Variants in NAPG observed in about 807,000 individuals in gnomAD.
NAPG encodes gamma-soluble NSF attachment protein.
A neutral mutation model predicts 48.4 loss-of-function variants in NAPG; 25 were observed. The ratio of observed to expected loss-of-function variants is 0.52; its 90% CI spans 0.38 to 0.72. The LOEUF (loss-of-function observed/expected upper bound fraction) is 0.72, where lower values mean the gene tolerates loss of function less well. NAPG is among the 30% of genes least tolerant of loss of function. The pLI is 0.00. For missense variants in NAPG, 359 were observed against 372.5 expected, an observed-to-expected ratio of 0.96 and a Z score of 0.30; for synonymous variants, 139 against 127.2, an observed-to-expected ratio of 1.09 and a Z score of -0.62.
At chr18:10,533,626 A>T in intron 4 of NAPG, 73 bp downstream of exon 4, 1 of 1,273,622 alleles carries the variant, frequency 7.9e-7, no homozygotes. Context: ...TAGGTTGGTA[A>T]TTTTTTCCCA....
In NAPG at chr18:10,543,428, A is replaced by T. The variant is rs1468871689; in HGVS notation, c.507-2898A>T. Reference sequence around the variant, plus strand: ...TCTGTCTTGCATAACTGTTCTGTCCATGGTGCCATCAATAACTGAGATAAG... The same window carrying T: ...TCTGTCTTGCATAACTGTTCTGTCCTTGGTGCCATCAATAACTGAGATAAG... On this transcript the variant is annotated intron_variant, in intron 8 of 11. Coordinates refer to ENST00000322897, the MANE Select transcript of NAPG (RefSeq NM_003826.3). The surrounding 1 kb of genome is among the most constrained non-coding windows in gnomAD (Gnocchi z 4.4). Among the ~76,000 whole-genome samples, 1 of 152,216 alleles carries T rather than the reference A, an allele frequency of 6.6e-6. No individual in the cohort carries two copies. The highest frequency in any genetic ancestry group is 1.5e-5 in the Non-Finnish European group (1 of 68,032).
At position 10,533,460 on chromosome 18, in the gene NAPG, C is replaced by G; in HGVS notation, c.210-76C>G. On this transcript the variant is annotated intron_variant, in intron 3 of 11. Transcript: ENST00000322897. ...CTGGGTCAGTGATTTAGTTAACTGT[C>G]TTTAAATAGTTGATCTATAGAAACT... The G allele has an allele frequency of 2.2e-6, 3 of 1,343,250 alleles. No individual in the cohort carries two copies. In the South Asian group the frequency reaches 4.0e-5, roughly 18 times the overall value. The allele number at this position is 1,343,250 out of a possible 1,614,324, so 83.2% of individuals were successfully genotyped here.
intron 5 of NAPG, among the ~76,000 whole-genome samples, chr18:10,538,761 A>T (rs526394): frequency 0.45 from 67,864 of 152,018 alleles, 16,918 homozygotes; most frequent in African/African-American, 0.69. Flanking sequence ...TATACAATGT[A>T]TTTGAGTCAT....
In NAPG at chr18:10,526,939, C is replaced by T. The variant is rs8095783; in HGVS notation, c.56+781C>T. On this transcript the variant is annotated intron_variant, in intron 1 of 11. Coordinates refer to ENST00000322897, the MANE Select transcript of NAPG (RefSeq NM_003826.3). Reference sequence around the variant, plus strand: ...GCGCGGTGGCTCACGTCTGCAATCCCAGCACTTTGGGAGGCCGAGGCGGGC... The same window carrying T: ...GCGCGGTGGCTCACGTCTGCAATCCTAGCACTTTGGGAGGCCGAGGCGGGC... Among the ~76,000 whole-genome samples, 462 of 152,174 alleles carry T rather than the reference C, an allele frequency of 3.0e-3. 4 individuals carry two copies. Among genetic ancestry groups the T allele is most frequent in the African/African-American group, 0.011 (446 of 41,520 alleles).
chr18:10,550,176 G>A lies in NAPG; in HGVS notation c.895G>A (p.Ala299Thr), dbSNP rs757767935. 5 of 1,588,514 alleles carry A rather than the reference G, an allele frequency of 3.1e-6. No individual in the cohort carries two copies. Among genetic ancestry groups the A allele is most frequent in the East Asian group, 2.4e-5 (1 of 42,342 alleles). Residue 299 changes from alanine to threonine, a missense_variant, in exon 12 of 12, where the codon GCT becomes ACT. Ala to Thr is a moderately conservative substitution (Grantham distance 58, BLOSUM62 0). Coordinates refer to ENST00000322897, the MANE Select transcript of NAPG (RefSeq NM_003826.3). Reference protein sequence around the residue: ...QAKPDGVTATAADEEEDEYSG... With the variant: ...QAKPDGVTATTADEEEDEYSG... ...CAAGCCTGATGGTGTCACTGCCACG[G>A]CTGCTGATGAAGAGGAAGATGAATA...
rs1039014157 is a variant in NAPG, at chr18:10,548,928, AAGG to A, written c.666-36_666-34del. ...ATCCCTGCCTGAGATGTGTTCTTTT[AAGG>A]AGAAGGTGAAGACGTGTGATTTGTG... On this transcript the variant is annotated intron_variant, in intron 10 of 11. Transcript: ENST00000322897. This position sits in a 1 kb window ranked among gnomAD's most constrained non-coding sequence, Gnocchi z 4.4. 6.3e-7 allele frequency: 1 copy of A among 1,599,566 alleles called. No homozygotes were observed. Among genetic ancestry groups the A allele is most frequent in the African/African-American group, 1.3e-5 (1 of 74,530 alleles).
chr18:10,550,025 A>G (rs960453110), intron 11 of NAPG, 52 bp from the exon 12 acceptor site: 1 of 1,480,570 alleles, frequency 6.8e-7, no homozygotes, highest in Non-Finnish European at 8.9e-7. Flanking sequence ...TGAGTAAAAC[A>G]TGTTAGGATT....
chr18:10,532,356 A>C (rs1170938572), intron 2 of NAPG, among the ~76,000 whole-genome samples: 2 of 152,188 alleles, frequency 1.3e-5, no homozygotes, highest in East Asian at 3.8e-4. Context: ...TAAAGGTAAA[A>C]CTGGTGAAGT....
At chr18:10,535,802 A>G (rs920868965) in intron 5 of NAPG, among the ~76,000 whole-genome samples, 5 of 152,214 alleles carry the variant, frequency 3.3e-5, no homozygotes, top group African/African-American at 9.6e-5. Context: ...ATAAATTATG[A>G]TGCTTCCTTA....
chr18:10,549,207 T>G (rs1033619933), intron 11 of NAPG, 111 bp downstream of exon 11: 2 of 1,299,534 alleles, frequency 1.5e-6, no homozygotes, highest in Non-Finnish European at 2.1e-6. Flanking sequence ...CCTCTTTTTT[T>G]CTTCTCAAGC....
rs986211356 is a variant in NAPG, at chr18:10,533,553, A to G, written c.227A>G (p.Lys76Arg). The G allele has an allele frequency of 1.9e-5, 30 of 1,598,542 alleles. No homozygotes were observed. The highest frequency in any genetic ancestry group is 2.5e-5 in the Non-Finnish European group (29 of 1,173,828). ...ENNRALFHAA[K>R]AYEQAGMMLK... is the part of the protein sequence containing the mutation. ...CCATTCAGTCTTTTTCATGCTGCCA[A>G]GTAAGTATTCTTCATGTTTTCATGT... is the stretch of plus-strand genomic sequence containing the variant. Residue 76 changes from lysine (K) to arginine (R), a missense_variant and splice_region_variant, in exon 4 of 12, where the codon AAA becomes AGA. Lys to Arg is a conservative substitution (Grantham distance 26). Coordinates refer to ENST00000322897, the MANE Select transcript of NAPG (RefSeq NM_003826.3).
intron 1 of NAPG, among the ~76,000 whole-genome samples, chr18:10,530,319 C>T (rs1174439506): frequency 1.3e-5 from 2 of 149,096 alleles, no homozygotes; most frequent in African/African-American, 4.9e-5. Context: ...ATGCTCTTGA[C>T]ATATGCTTAT....
chr18:10,528,619 G>C (rs2031867598), intron 1 of NAPG, among the ~76,000 whole-genome samples: 1 of 152,194 alleles, frequency 6.6e-6, no homozygotes. Context: ...ATGTTTGTCA[G>C]TAAGGTTGAC....
Position 10,534,854 on chromosome 18 carries a change from T to C in NAPG, c.258+358T>C, listed in dbSNP as rs1457833756. Reference sequence around the variant, plus strand: ...AAATTTTATAAATATTAAAAAATTATCATACATGGGTTATAGAAGAGATTT... The same window carrying C: ...AAATTTTATAAATATTAAAAAATTACCATACATGGGTTATAGAAGAGATTT... On this transcript the variant is annotated intron_variant, in intron 5 of 11. Coordinates refer to ENST00000322897, the MANE Select transcript of NAPG (RefSeq NM_003826.3). The surrounding 1 kb of genome is among the most constrained non-coding windows in gnomAD (Gnocchi z 5.0). 6.6e-6 allele frequency among the ~76,000 whole-genome samples: 1 copy of C among 152,242 alleles called. No homozygotes were observed. Among genetic ancestry groups the C allele is most frequent in the African/African-American group, 2.4e-5 (1 of 41,458 alleles).
intron 1 of NAPG, 88 bp downstream of exon 1, chr18:10,526,246 G>GGGGGGGGTGGC: frequency 2.0e-6 from 1 of 490,184 alleles, no homozygotes. Flanking sequence ...GGGCGGGAGG[G>GGGGGGGGTGGC]AGGGCTCAGG....
chr18:10,533,960 C>A (rs1017673805), intron 4 of NAPG, among the ~76,000 whole-genome samples: 1 of 152,136 alleles, frequency 6.6e-6, no homozygotes, highest in African/African-American at 2.4e-5. Context: ...GCCTGGCCAA[C>A]TTGGTGAAAA....
At position 10,526,233 on chromosome 18, in the gene NAPG, G is replaced by T. The variant is rs552599953; in HGVS notation, c.56+75G>T. The T allele has an allele frequency of 2.0e-3, 1,925 of 942,392 alleles. 15 individuals are homozygous for T. The highest frequency in any genetic ancestry group is 3.0e-3 in the Non-Finnish European group (1,777 of 591,344). 58.4% of individuals were successfully genotyped at this position (942,392 alleles called of 1,614,324 possible). On this transcript the variant is annotated intron_variant, in intron 1 of 11. Transcript: ENST00000322897. Reference sequence around the variant, plus strand: ...TCACTGGCGCGGCCTTAGCACCCGGGGGGGGCGGGAGGGAGGGCTCAGGGC... The same window carrying T: ...TCACTGGCGCGGCCTTAGCACCCGGTGGGGGCGGGAGGGAGGGCTCAGGGC...
At position 10,526,071 on chromosome 18, in the gene NAPG, C is replaced by A. The variant is rs16974708; in HGVS notation, c.-32C>A. On this transcript the variant is annotated 5_prime_UTR_variant, in exon 1 of 12. Transcript: ENST00000322897. ...GCGCCGGAGGAAGAGGCAGGGTCAC[C>A]CTCTCTCCACGTCAGAGACCTGACT... 2.5e-3 allele frequency: 4,007 copies of A among 1,607,730 alleles called. 103 individuals carry two copies. In the African/African-American group the frequency reaches 0.047, roughly 19 times the overall value.
rs529264504 is a variant in NAPG at position 10,530,897 on chromosome 18, C to T, written c.124+60C>T. ...TAATCTTAAAATAGTCTGATAACTT[C>T]ATTTCACCATAATACTTACTCATAT... On this transcript the variant is annotated intron_variant, in intron 2 of 11. Coordinates refer to ENST00000322897, the MANE Select transcript of NAPG (RefSeq NM_003826.3). The T allele has an allele frequency of 3.9e-5, 50 of 1,273,764 alleles. No individual in the cohort carries two copies. The African/African-American group carries it at 6.6e-4, about 17-fold the overall frequency. The allele number at this position is 1,273,764 out of a possible 1,614,324, so 78.9% of individuals were successfully genotyped here.
Sources: gnomAD v4.1 joint callset for allele counts (sites outside exome capture counted in the v4.1 genomes callset) on GRCh38, gnomAD v4.1.1 for gene constraint, Gnocchi (gnomAD v3.1) non-coding constraint, MANE v1.5 for transcripts, NCBI Gene and HGNC (gene_info 2026-07-23, HGNC 2026-07-21) for gene names.